SLC9A9: variants seen among roughly 807,000 people sequenced by gnomAD.
SLC9A9 encodes solute carrier family 9 member A9, also known as sodium/hydrogen exchanger 9.
A neutral mutation model predicts 77.8 loss-of-function variants in SLC9A9; 62 were observed. The observed-to-expected ratio is 0.80, with a 90% CI of 0.65 to 0.98. SLC9A9 has a LOEUF of 0.98. Ranked by LOEUF, SLC9A9 falls within the 50% of genes least tolerant of loss-of-function variation. SLC9A9 has a pLI of 0.00. For synonymous variants in SLC9A9, 320 were observed against 283.5 expected, an observed-to-expected ratio of 1.13 and a Z score of -1.29; for missense variants, 775 against 774.9, an observed-to-expected ratio of 1.00 and a Z score of 0.00.
chr3:143,287,918 G>A (rs1398956281), intron 14 of SLC9A9, among the ~76,000 whole-genome samples: 1 of 152,152 alleles, frequency 6.6e-6, no homozygotes, highest in Non-Finnish European at 1.5e-5. Flanking sequence ...AGTATAACTA[G>A]GATGGTATTC....
At chr3:143,516,952 C>T (rs1391105036) in intron 9 of SLC9A9, among the ~76,000 whole-genome samples, 1 of 152,012 alleles carries the variant, frequency 6.6e-6, no homozygotes, top group Non-Finnish European at 1.5e-5. Context: ...TTTTTCAGTC[C>T]TATGAATATT....
chr3:143,504,256 G>A (rs1002484361), intron 9 of SLC9A9: 5 of 245,668 alleles, frequency 2.0e-5, no homozygotes, highest in African/African-American at 6.9e-5. Context: ...CATTTACTCC[G>A]GCCTTCACCT....
intron 2 of SLC9A9, among the ~76,000 whole-genome samples, chr3:143,828,325 T>C (rs982020957): frequency 6.6e-6 from 1 of 152,158 alleles, no homozygotes; most frequent in Non-Finnish European, 1.5e-5. Flanking sequence ...GACTCATCAA[T>C]TATTTATTCA....
chr3:143,648,414 G>A (rs891636424), intron 6 of SLC9A9, among the ~76,000 whole-genome samples: 1 of 152,152 alleles, frequency 6.6e-6, no homozygotes, highest in African/African-American at 2.4e-5. Flanking sequence ...GTTCACAATA[G>A]GGTTTGCGCT....
At chr3:143,752,291 T>G (rs2166777) in intron 4 of SLC9A9, among the ~76,000 whole-genome samples, 69,394 of 151,964 alleles carry the variant, frequency 0.46, 17,137 homozygotes, top group East Asian at 0.77. Context: ...TCTAGAAACA[T>G]CTGGCCCCCA....
intron 11 of SLC9A9, among the ~76,000 whole-genome samples, chr3:143,490,949 G>A (rs368795830): frequency 1.3e-5 from 2 of 152,044 alleles, no homozygotes; most frequent in African/African-American, 2.4e-5. Context: ...TAAAAATGAC[G>A]TTAGAAATAT....
At chr3:143,330,418 G>T (rs866233207) in intron 14 of SLC9A9, among the ~76,000 whole-genome samples, 10 of 152,156 alleles carry the variant, frequency 6.6e-5, no homozygotes, top group African/African-American at 2.4e-4. Flanking sequence ...TAAGTAATCC[G>T]ATCTGAATTG....
At chr3:143,691,380 C>G (rs1295413042) in intron 5 of SLC9A9, among the ~76,000 whole-genome samples, 1 of 151,986 alleles carries the variant, frequency 6.6e-6, no homozygotes, top group Non-Finnish European at 1.5e-5. Context: ...GAGAAAGATT[C>G]TTATATGTTC....
intron 12 of SLC9A9, among the ~76,000 whole-genome samples, chr3:143,395,915 G>C (rs1400118572): frequency 2.0e-5 from 3 of 152,204 alleles, no homozygotes; most frequent in African/African-American, 7.2e-5. Flanking sequence ...TCTCACACCA[G>C]TTAGAATGGC....
chr3:143,826,030 A>AG (rs2009288331), intron 2 of SLC9A9, among the ~76,000 whole-genome samples: 1 of 152,122 alleles, frequency 6.6e-6, no homozygotes, highest in African/African-American at 2.4e-5. Context: ...AGGCTGAGGC[A>AG]GGCAGATCAC....
At chr3:143,574,015 T>C in intron 8 of SLC9A9, 73 bp downstream of exon 8, 1 of 1,319,672 alleles carries the variant, frequency 7.6e-7, no homozygotes. Flanking sequence ...TCCTGCTAGG[T>C]CAGGGAGGGG....
At chr3:143,819,262 A>G (rs1405001071) in intron 2 of SLC9A9, among the ~76,000 whole-genome samples, 1 of 152,248 alleles carries the variant, frequency 6.6e-6, no homozygotes, top group Admixed American at 6.5e-5. Context: ...TTAAAATGCT[A>G]GAAGTTAGAA....
chr3:143,622,987 T>C (rs893851179), intron 6 of SLC9A9, among the ~76,000 whole-genome samples: 1 of 152,168 alleles, frequency 6.6e-6, no homozygotes, highest in Non-Finnish European at 1.5e-5. Flanking sequence ...AAACAGACTT[T>C]AAACCAACAA....
At chr3:143,606,426 C>G (rs1244889408) in intron 6 of SLC9A9, among the ~76,000 whole-genome samples, 5 of 73,982 alleles carry the variant, frequency 6.8e-5, no homozygotes, top group Admixed American at 3.0e-4. Context: ...CTCTCTCTCT[C>G]TCTCTCTCTC....
chr3:143,682,264 A>T (rs1211505751), intron 5 of SLC9A9, among the ~76,000 whole-genome samples: 2 of 152,158 alleles, frequency 1.3e-5, no homozygotes, highest in Non-Finnish European at 2.9e-5. Flanking sequence ...GAATTTTTTT[A>T]AAGTGATTGT....
At chr3:143,833,840 G>C (rs1215574092) in intron 1 of SLC9A9, among the ~76,000 whole-genome samples, 1 of 152,148 alleles carries the variant, frequency 6.6e-6, no homozygotes, top group African/African-American at 2.4e-5. Context: ...AAGAAATCTG[G>C]TGCATTTAGG....
chr3:143,430,198 G>A (rs1379038249), intron 12 of SLC9A9, among the ~76,000 whole-genome samples: 1 of 152,172 alleles, frequency 6.6e-6, no homozygotes, highest in Non-Finnish European at 1.5e-5. Flanking sequence ...AGGCACCTGG[G>A]ATCAAGGAAA....
intron 2 of SLC9A9, among the ~76,000 whole-genome samples, chr3:143,804,260 A>C (rs1191031885): frequency 1.3e-5 from 2 of 152,146 alleles, no homozygotes; most frequent in Non-Finnish European, 2.9e-5. Context: ...TTAGGAAGAC[A>C]CTTACCCTGT....
chr3:143,308,408 C>G (rs2030890492), intron 14 of SLC9A9, among the ~76,000 whole-genome samples: 1 of 151,970 alleles, frequency 6.6e-6, no homozygotes, highest in South Asian at 2.1e-4. Flanking sequence ...AACCCCGTCT[C>G]TACTAAAAAT....
Sources: gnomAD v4.1 joint callset for allele counts (sites outside exome capture counted in the v4.1 genomes callset) on GRCh38, gnomAD v4.1.1 for gene constraint, MANE v1.5 for transcripts, NCBI Gene and HGNC (gene_info 2026-07-23, HGNC 2026-07-21) for gene names.